CADM1: variants seen among roughly 807,000 people sequenced by gnomAD.
CADM1 encodes cell adhesion molecule 1.
In CADM1, 15 loss-of-function variants were observed where a neutral mutation model predicts 53.1. That is an observed-to-expected ratio of 0.28 (90% CI 0.19 to 0.44). The LOEUF (loss-of-function observed/expected upper bound fraction) is 0.44, where lower values mean the gene tolerates loss of function less well. Among genes scored for constraint, CADM1 ranks in the 20% least tolerant of loss-of-function variants. The pLI is 1.00. For synonymous variants in CADM1, 281 were observed against 243.0 expected (o/e 1.16, Z -1.45); for missense variants, 434 against 611.3 (o/e 0.71, Z 3.06).
At chr11:115,454,129 C>G (rs1394052745) in intron 1 of CADM1, among the ~76,000 whole-genome samples, 1 of 151,810 alleles carries the variant, frequency 6.6e-6, no homozygotes, top group Non-Finnish European at 1.5e-5. Flanking sequence ...ACAAAGGTCT[C>G]TCTTTTGGAG....
At position 115,175,964 on chromosome 11, in the gene CADM1, T is replaced by A; in HGVS notation, c.*510A>T. On this transcript the variant is annotated 3_prime_UTR_variant, in exon 12 of 12. Transcript: ENST00000331581. Reference sequence around the variant, plus strand: ...CTAAGCTGTGCTGGTTCTCCTTTTATGAAACTGAATTTGGAACAGAAAGCA... The same window carrying A: ...CTAAGCTGTGCTGGTTCTCCTTTTAAGAAACTGAATTTGGAACAGAAAGCA... 9.7e-7 allele frequency: 1 copy of A among 1,033,834 alleles called. No homozygotes were observed. Among genetic ancestry groups the A allele is most frequent in the Non-Finnish European group, 1.2e-6 (1 of 860,110 alleles). The allele number at this position is 1,033,834 out of a possible 1,614,324, so 64.0% of individuals were successfully genotyped here.
At chr11:115,330,051 A>T (rs1450933349) in intron 1 of CADM1, among the ~76,000 whole-genome samples, 4 of 150,918 alleles carry the variant, frequency 2.7e-5, no homozygotes, top group African/African-American at 9.8e-5. Context: ...GCCAAAAGAG[A>T]ACATTTGGGT....
intron 1 of CADM1, among the ~76,000 whole-genome samples, chr11:115,428,693 C>T (rs1409944412): frequency 6.6e-6 from 1 of 151,990 alleles, no homozygotes; most frequent in African/African-American, 2.4e-5. Flanking sequence ...TCTTAATATA[C>T]CACTGACAGA....
intron 1 of CADM1, among the ~76,000 whole-genome samples, chr11:115,433,042 T>G (rs747413091): frequency 6.6e-6 from 1 of 152,138 alleles, no homozygotes; most frequent in Non-Finnish European, 1.5e-5. Context: ...TCAAGATCCC[T>G]TTAATAGATG....
At chr11:115,447,799 G>A (rs1948484885) in intron 1 of CADM1, among the ~76,000 whole-genome samples, 1 of 152,112 alleles carries the variant, frequency 6.6e-6, no homozygotes, top group East Asian at 1.9e-4. Flanking sequence ...TTAGAGGGTG[G>A]AATTCCAGCA....
At chr11:115,265,186 A>C (rs536581481) in intron 1 of CADM1, among the ~76,000 whole-genome samples, 1 of 152,310 alleles carries the variant, frequency 6.6e-6, no homozygotes, top group African/African-American at 2.4e-5. Flanking sequence ...GCCTGTTTTT[A>C]AAACCAAGGA....
At chr11:115,299,530 C>T (rs1247955849) in intron 1 of CADM1, among the ~76,000 whole-genome samples, 1 of 152,082 alleles carries the variant, frequency 6.6e-6, no homozygotes, top group African/African-American at 2.4e-5. Flanking sequence ...CACCAATACG[C>T]ATCATGGTGG....
intron 1 of CADM1, chr11:115,240,767 G>T: frequency 3.3e-6 from 1 of 302,496 alleles, no homozygotes; most frequent in Non-Finnish European, 6.3e-6. Flanking sequence ...AATGGAGTAG[G>T]GAAGATAGAC....
At chr11:115,455,748 T>A (rs1001765898) in intron 1 of CADM1, among the ~76,000 whole-genome samples, 3 of 152,216 alleles carry the variant, frequency 2.0e-5, no homozygotes, top group Non-Finnish European at 2.9e-5. Context: ...AAGAACCTGT[T>A]AATTTGCTAT....
At chr11:115,362,309 T>C (rs965510211) in intron 1 of CADM1, among the ~76,000 whole-genome samples, 9 of 152,176 alleles carry the variant, frequency 5.9e-5, no homozygotes, top group African/African-American at 2.2e-4. Flanking sequence ...CTTATACCAC[T>C]GAGAGTTAAC....
chr11:115,479,653 T>C (rs867232875), intron 1 of CADM1, among the ~76,000 whole-genome samples: 16 of 152,192 alleles, frequency 1.1e-4, no homozygotes, highest in African/African-American at 3.6e-4. Flanking sequence ...TATGTTTTAT[T>C]TATCAATTGT....
At chr11:115,466,867 T>A (rs1333828698) in intron 1 of CADM1, among the ~76,000 whole-genome samples, 1 of 152,138 alleles carries the variant, frequency 6.6e-6, no homozygotes, top group Admixed American at 6.6e-5. Context: ...GTCTCAGATT[T>A]TGCACAACCC....
In CADM1 at chr11:115,214,551, A is replaced by T. The variant is rs759431628; in HGVS notation, c.994+57T>A. 7 of 1,512,602 alleles carry T rather than the reference A, an allele frequency of 4.6e-6. No individual in the cohort carries two copies. The South Asian group carries it at 6.8e-5, about 15-fold the overall frequency. The allele number at this position is 1,512,602 out of a possible 1,614,324, so 93.7% of individuals were successfully genotyped here. ...ACCAAAAGCTTTGAGAGTAAATCAC[A>T]AGTAGCAGCTCCATGTGACTGACTC... is the stretch of plus-strand genomic sequence containing the variant. On this transcript the variant is annotated intron_variant, in intron 7 of 11. Transcript: ENST00000331581.
chr11:115,342,706 T>C (rs1224130060), intron 1 of CADM1, among the ~76,000 whole-genome samples: 2 of 152,298 alleles, frequency 1.3e-5, no homozygotes, highest in Non-Finnish European at 1.5e-5. Flanking sequence ...GTTTCCATAG[T>C]ACTTTGTCCC....
At chr11:115,290,560 TTTA>T (rs1333840876) in intron 1 of CADM1, among the ~76,000 whole-genome samples, 1 of 152,186 alleles carries the variant, frequency 6.6e-6, no homozygotes, top group Non-Finnish European at 1.5e-5. Context: ...TTATGAAGAA[TTTA>T]TTATCAGGTA....
At chr11:115,470,222 CCTT>C (rs1392533741) in intron 1 of CADM1, among the ~76,000 whole-genome samples, 1 of 152,196 alleles carries the variant, frequency 6.6e-6, no homozygotes, top group East Asian at 1.9e-4. Context: ...CATCTTCTCT[CCTT>C]CTCCATGTTA....
intron 1 of CADM1, among the ~76,000 whole-genome samples, chr11:115,284,148 G>A (rs1200285360): frequency 7.3e-6 from 1 of 136,076 alleles, no homozygotes; most frequent in Non-Finnish European, 1.5e-5. Flanking sequence ...GTGTGTGTGT[G>A]TGTGTGTATG....
intron 1 of CADM1, among the ~76,000 whole-genome samples, chr11:115,317,737 G>A (rs1944706554): frequency 6.6e-6 from 1 of 152,170 alleles, no homozygotes; most frequent in Admixed American, 6.6e-5. Flanking sequence ...GTGCCCTGCA[G>A]TCATTATTCA....
At chr11:115,201,436 T>G (rs1275740984) in intron 8 of CADM1, among the ~76,000 whole-genome samples, 2 of 152,214 alleles carry the variant, frequency 1.3e-5, no homozygotes, top group African/African-American at 2.4e-5. Context: ...TATGACTTCA[T>G]GCAGAAACCA....
Sources: gnomAD v4.1 joint callset for allele counts (sites outside exome capture counted in the v4.1 genomes callset) on GRCh38, gnomAD v4.1.1 for gene constraint, MANE v1.5 for transcripts, NCBI Gene and HGNC (gene_info 2026-07-23, HGNC 2026-07-21) for gene names.